Variants in BHLHE22 observed in about 807,000 individuals in gnomAD.
BHLHE22 encodes the protein basic helix-loop-helix family member e22.
In BHLHE22, 8 loss-of-function variants were observed where a neutral mutation model predicts 17.6. The observed-to-expected ratio is 0.45, with a 90% confidence interval of 0.27 to 0.82. BHLHE22 has a LOEUF of 0.82. Ranked by LOEUF, BHLHE22 falls within the 40% of genes least tolerant of loss-of-function variation. The probability of loss-of-function intolerance (pLI) is 0.16; values close to 1 mark genes in which losing one functional copy is unlikely to be tolerated. For missense variants in BHLHE22, 570 were observed against 581.5 expected (o/e 0.98, Z 0.20); for synonymous variants, 353 against 282.7 (o/e 1.25, Z -2.49).
rs1804922047 is a variant in BHLHE22 at position 64,582,622 on chromosome 8, AACTG to A, written c.*691_*694del. ...AGTTTTGGCGAGAGTGATATAAAAA[AACTG>A]ACTGTGGCTGAAAGAATTGCATTTA... On this transcript the variant is annotated 3_prime_UTR_variant, in exon 1 of 1. Coordinates refer to ENST00000321870, the MANE Select transcript of BHLHE22 (RefSeq NM_152414.5). 6.0e-6 allele frequency: 1 copy of A among 167,158 alleles called. No individual in the cohort carries two copies. The highest frequency in any genetic ancestry group is 1.5e-5 in the Non-Finnish European group (1 of 68,156). 10.4% of individuals were successfully genotyped at this position (167,158 alleles called of 1,614,324 possible).
chr8:64,582,783 A>C lies in BHLHE22; in HGVS notation c.*847A>C, dbSNP rs943945524. The C allele has an allele frequency of 1.8e-5, 3 of 166,986 alleles. No homozygotes were observed. The highest frequency in any genetic ancestry group is 7.2e-5 in the African/African-American group (3 of 41,416). The allele number at this position is 166,986 out of a possible 1,614,324, so 10.3% of individuals were successfully genotyped here. ...ATCATGTGTTAAAGTCATGGGTCTT[A>C]TGTGCAGATTTTTTTAATGCCTCTA... On this transcript the variant is annotated 3_prime_UTR_variant, in exon 1 of 1. Transcript: ENST00000321870.
Position 64,581,598 on chromosome 8 carries a change from C to G in BHLHE22, c.808C>G (p.Pro270Ala), listed in dbSNP as rs1327169750. Residue 270 changes from proline (P) to alanine (A), a missense_variant, in exon 1 of 1, where the codon CCC becomes GCC. Pro to Ala is a conservative substitution (Grantham distance 27). Coordinates refer to ENST00000321870, the MANE Select transcript of BHLHE22 (RefSeq NM_152414.5). The surrounding 1 kb of genome is among the most constrained non-coding windows in gnomAD (Gnocchi z 6.4). ...DALDELRAVI[P>A]YAHSPSVRKL... ...GCTGGACGAGCTGCGCGCGGTGATC[C>G]CCTACGCGCACAGCCCCTCGGTGCG... 1 of 1,612,890 alleles carries G rather than the reference C, an allele frequency of 6.2e-7. No individual in the cohort carries two copies. Among genetic ancestry groups the G allele is most frequent in the South Asian group, 1.1e-5 (1 of 91,048 alleles).
At position 64,581,718 on chromosome 8, in the gene BHLHE22, C is replaced by T. The variant is rs757685270; in HGVS notation, c.928C>T (p.Leu310Phe). ...LEEMRRLVAY[L>F]NQGQAISAAS... The stretch of plus-strand genomic sequence containing the variant: ...GGAGATGCGGCGCCTAGTCGCCTAC[C>T]TCAACCAGGGCCAGGCCATCTCGGC... Residue 310 changes from leucine to phenylalanine, a missense_variant, in exon 1 of 1, where the codon CTC becomes TTC. Physicochemically the swap from Leu to Phe is conservative, Grantham distance 22. This residue lies in a region of BHLHE22 where 111 missense variants were observed against 122.0 expected (regional missense o/e 0.91). Transcript: ENST00000321870. The surrounding 1 kb of genome is among the most constrained non-coding windows in gnomAD (Gnocchi z 6.4). 1.9e-6 allele frequency: 3 copies of T among 1,606,192 alleles called. 1 individual carries two copies. Among genetic ancestry groups the T allele is most frequent in the South Asian group, 2.2e-5 (2 of 90,226 alleles).
rs865782982 is a variant in BHLHE22 at position 64,582,091 on chromosome 8, G to C, written c.*155G>C. The C allele has an allele frequency of 2.2e-6, 2 of 916,474 alleles. No homozygotes were observed. Among genetic ancestry groups the C allele is most frequent in the Non-Finnish European group, 3.3e-6 (2 of 610,602 alleles). 56.8% of individuals were successfully genotyped at this position (916,474 alleles called of 1,614,324 possible). ...CTGAGGAGAAGTATCAGAGACAAACGGGACTTTTAGCCTTGACATCCCCAG... is the reference window on the plus strand; with the variant it reads ...CTGAGGAGAAGTATCAGAGACAAACCGGACTTTTAGCCTTGACATCCCCAG... On this transcript the variant is annotated 3_prime_UTR_variant, in exon 1 of 1. Transcript: ENST00000321870.
Position 64,581,454 on chromosome 8 carries a change from G to GGCAGCGGCGGCA in BHLHE22, c.670_681dup (p.Gly224_Ser227dup). ...TGGCGGCGGTGGCGGTAGCGGTAGC[G>GGCAGCGGCGGCA]GCAGCGGCGGCAGCAGCAGCAGCAG... is the stretch of plus-strand genomic sequence containing the variant. On this transcript the variant is annotated inframe_insertion, in exon 1 of 1. Transcript: ENST00000321870. The surrounding 1 kb of genome is among the most constrained non-coding windows in gnomAD (Gnocchi z 6.4). The GGCAGCGGCGGCA allele has an allele frequency of 6.5e-7, 1 of 1,537,990 alleles. No homozygotes were observed. The highest frequency in any genetic ancestry group is 1.7e-4 in the Middle Eastern group (1 of 5,812).
At position 64,581,942 on chromosome 8, in the gene BHLHE22, C is replaced by A; in HGVS notation, c.*6C>A. The A allele has an allele frequency of 1.2e-6, 2 of 1,610,984 alleles. No homozygotes were observed. The highest frequency in any genetic ancestry group is 1.7e-6 in the Non-Finnish European group (2 of 1,179,430). ...AGTGCACGGAGAAGCCTTAAACACA[C>A]CCCCGAAAAACACAAGACCGACCCA... On this transcript the variant is annotated 3_prime_UTR_variant, in exon 1 of 1. Coordinates refer to ENST00000321870, the MANE Select transcript of BHLHE22 (RefSeq NM_152414.5). This position sits in a 1 kb window ranked among gnomAD's most constrained non-coding sequence, Gnocchi z 6.4.
chr8:64,581,267 G>T lies in BHLHE22; in HGVS notation c.477G>T (p.Val159=), dbSNP rs765985655. 6.9e-7 allele frequency: 1 copy of T among 1,445,836 alleles called. No homozygotes were observed. Among genetic ancestry groups the T allele is most frequent in the East Asian group, 2.8e-5 (1 of 35,646 alleles). The allele number at this position is 1,445,836 out of a possible 1,614,324, so 89.6% of individuals were successfully genotyped here. A position where few individuals can be genotyped will look rare whatever the true frequency, so the allele number is the denominator to read the frequency against. The change falls in exon 1 of 1, where the codon GTG becomes GTT. Residue 159 remains valine, a synonymous_variant. Coordinates refer to ENST00000321870, the MANE Select transcript of BHLHE22 (RefSeq NM_152414.5). The surrounding 1 kb of genome is among the most constrained non-coding windows in gnomAD (Gnocchi z 6.4). ...ACAGCGACGGTCGCTGCGAGCTCGT[G>T]CTGCGGGCCGGAGTAGCCGACCCGC... is the stretch of plus-strand genomic sequence containing the variant. ...DDDSDGRCEL[V]LRAGVADPRA...
rs1243506469 is a variant in BHLHE22 at position 64,582,132 on chromosome 8, G to A, written c.*196G>A. 1.5e-6 allele frequency: 1 copy of A among 657,396 alleles called. No individual in the cohort carries two copies. The highest frequency in any genetic ancestry group is 2.6e-6 in the Non-Finnish European group (1 of 388,964). 40.7% of individuals were successfully genotyped at this position (657,396 alleles called of 1,614,324 possible). On this transcript the variant is annotated 3_prime_UTR_variant, in exon 1 of 1. Transcript: ENST00000321870. ...ACATCCCCAGAATCTCGGTCTTTGG[G>A]GTGGGGAGGGAGGGAGGAGGGAGGT...
In BHLHE22 at chr8:64,581,744, T is replaced by A; in HGVS notation, c.954T>A (p.Ala318=). 1 of 1,600,878 alleles carries A rather than the reference T, an allele frequency of 6.2e-7. No homozygotes were observed. Among genetic ancestry groups the A allele is most frequent in the Non-Finnish European group, 8.5e-7 (1 of 1,175,506 alleles). Residue 318 remains alanine (A), a synonymous_variant, in exon 1 of 1, where the codon GCT becomes GCA. Transcript: ENST00000321870. This position sits in a 1 kb window ranked among gnomAD's most constrained non-coding sequence, Gnocchi z 6.4. ...TCAACCAGGGCCAGGCCATCTCGGC[T>A]GCCTCCCTGCCCAGCTCGGCGGCTG... ...AYLNQGQAIS[A]ASLPSSAAAA...
rs953970502 is a variant in BHLHE22, at chr8:64,582,436, T to C, written c.*500T>C. 5.3e-5 allele frequency: 9 copies of C among 168,894 alleles called. No homozygotes were observed. Among genetic ancestry groups the C allele is most frequent in the African/African-American group, 1.9e-4 (8 of 41,338 alleles). 10.5% of individuals were successfully genotyped at this position (168,894 alleles called of 1,614,324 possible). A position where few individuals can be genotyped will look rare whatever the true frequency, so the allele number is the denominator to read the frequency against. ...ACAAATCAGAAAGGGCACTTGAAAA[T>C]AAATTTTGATTCTGAGCCAGGAGAA... On this transcript the variant is annotated 3_prime_UTR_variant, in exon 1 of 1. Transcript: ENST00000321870.
chr8:64,581,526 A>T lies in BHLHE22; in HGVS notation c.736A>T (p.Asn246Tyr). 6.2e-7 allele frequency: 1 copy of T among 1,606,968 alleles called. No homozygotes were observed. The highest frequency in any genetic ancestry group is 8.5e-7 in the Non-Finnish European group (1 of 1,179,012). ...CAAAGAGCAAAAGGCGCTGCGGCTT[A>T]ACATCAATGCCCGAGAGCGCCGGCG... is the stretch of plus-strand genomic sequence containing the variant. The part of the protein sequence containing the change: ...KSKEQKALRL[N>Y]INARERRRMH... The change falls in exon 1 of 1, where the codon AAC becomes TAC. Residue 246 changes from asparagine (N) to tyrosine (Y), a missense_variant. Physicochemically the swap from Asn to Tyr is moderately radical, Grantham distance 143 (BLOSUM62 -2). Coordinates refer to ENST00000321870, the MANE Select transcript of BHLHE22 (RefSeq NM_152414.5). The surrounding 1 kb of genome is among the most constrained non-coding windows in gnomAD (Gnocchi z 6.4).
rs749770325 is a variant in BHLHE22 at position 64,581,630 on chromosome 8, C to T, written c.840C>T (p.Leu280=). The T allele has an allele frequency of 1.9e-6, 3 of 1,613,350 alleles. No homozygotes were observed. The highest frequency in any genetic ancestry group is 4.5e-5 in the East Asian group (2 of 44,866). Residue 280 remains leucine (L), a synonymous_variant, in exon 1 of 1, where the codon CTC becomes CTT. Transcript: ENST00000321870. The surrounding 1 kb of genome is among the most constrained non-coding windows in gnomAD (Gnocchi z 6.4). ...PYAHSPSVRK[L]SKIATLLLAK... is the part of the protein sequence containing the mutation. ...CGCACAGCCCCTCGGTGCGAAAGCT[C>T]TCCAAGATCGCCACGCTGCTGCTCG...
At position 64,581,473 on chromosome 8, in the gene BHLHE22, G is replaced by C. The variant is rs1244489055; in HGVS notation, c.683G>C (p.Ser228Thr). Reference protein sequence around the residue: ...GSGSGSGGSSSSSSSSSKKSK... With the variant: ...GSGSGSGGSSTSSSSSSKKSK... ...GGTAGCGGCAGCGGCGGCAGCAGCA[G>C]CAGCAGCAGCAGCAGCAGCAAGAAA... is the stretch of plus-strand genomic sequence containing the variant. Residue 228 changes from serine to threonine, a missense_variant, in exon 1 of 1, where the codon AGC (serine) becomes ACC (threonine). This residue lies in a region of BHLHE22 where 427 missense variants were observed against 376.2 expected (regional missense o/e 1.14). Transcript: ENST00000321870. The surrounding 1 kb of genome is among the most constrained non-coding windows in gnomAD (Gnocchi z 6.4). The C allele has an allele frequency of 9.7e-6, 15 of 1,548,450 alleles. No homozygotes were observed. Among genetic ancestry groups the C allele is most frequent in the Admixed American group, 1.9e-5 (1 of 52,246 alleles).
At position 64,582,778 on chromosome 8, in the gene BHLHE22, G is replaced by A. The variant is rs1804924292; in HGVS notation, c.*842G>A. 6.0e-6 allele frequency: 1 copy of A among 166,884 alleles called. No individual in the cohort carries two copies. The highest frequency in any genetic ancestry group is 1.5e-5 in the Non-Finnish European group (1 of 68,080). The allele number at this position is 166,884 out of a possible 1,614,324, so 10.3% of individuals were successfully genotyped here. A position where few individuals can be genotyped will look rare whatever the true frequency, so the allele number is the denominator to read the frequency against. ...TATTTATCATGTGTTAAAGTCATGGGTCTTATGTGCAGATTTTTTTAATGC... is the reference window on the plus strand; with the variant it reads ...TATTTATCATGTGTTAAAGTCATGGATCTTATGTGCAGATTTTTTTAATGC... On this transcript the variant is annotated 3_prime_UTR_variant, in exon 1 of 1. Transcript: ENST00000321870.
chr8:64,582,042 G>A lies in BHLHE22; in HGVS notation c.*106G>A. 7.4e-7 allele frequency: 1 copy of A among 1,359,518 alleles called. No individual in the cohort carries two copies. The highest frequency in any genetic ancestry group is 1.0e-6 in the Non-Finnish European group (1 of 996,230). 84.2% of individuals were successfully genotyped at this position (1,359,518 alleles called of 1,614,324 possible). A position where few individuals can be genotyped will look rare whatever the true frequency, so the allele number is the denominator to read the frequency against. On this transcript the variant is annotated 3_prime_UTR_variant, in exon 1 of 1. Coordinates refer to ENST00000321870, the MANE Select transcript of BHLHE22 (RefSeq NM_152414.5). ...CTCTCGTAGTTGTGAAACACTTGCA[G>A]AGCAAACAAAGCAGAGGCAAGAACT...
In BHLHE22 at chr8:64,582,123, G is replaced by A; in HGVS notation, c.*187G>A. On this transcript the variant is annotated 3_prime_UTR_variant, in exon 1 of 1. Transcript: ENST00000321870. ...TTAGCCTTGACATCCCCAGAATCTC[G>A]GTCTTTGGGGTGGGGAGGGAGGGAG... The A allele has an allele frequency of 7.6e-6, 5 of 660,674 alleles. No homozygotes were observed. The highest frequency in any genetic ancestry group is 1.3e-5 in the Non-Finnish European group (5 of 390,754). The allele number at this position is 660,674 out of a possible 1,614,324, so 40.9% of individuals were successfully genotyped here. A position where few individuals can be genotyped will look rare whatever the true frequency, so the allele number is the denominator to read the frequency against.
chr8:64,582,502 C>CAG lies in BHLHE22; in HGVS notation c.*581_*582dup, dbSNP rs112809206. The CAG allele has an allele frequency of 0.057, 9,433 of 164,702 alleles. 305 individuals carry two copies. The highest frequency in any genetic ancestry group is 0.15 in the South Asian group (724 of 4,740). The allele number at this position is 164,702 out of a possible 1,614,324, so 10.2% of individuals were successfully genotyped here. On this transcript the variant is annotated 3_prime_UTR_variant, in exon 1 of 1. Coordinates refer to ENST00000321870, the MANE Select transcript of BHLHE22 (RefSeq NM_152414.5). ...ACTTAAGTGAGGGGGAAATAAAACC[C>CAG]AGAGAGAGAGAGAGAGCGAGAGAGA...
Position 64,582,108 on chromosome 8 carries a change from C to A in BHLHE22, c.*172C>A. 5.2e-6 allele frequency: 3 copies of A among 572,044 alleles called. No homozygotes were observed. The highest frequency in any genetic ancestry group is 8.8e-6 in the Non-Finnish European group (3 of 339,820). 35.4% of individuals were successfully genotyped at this position (572,044 alleles called of 1,614,324 possible). On this transcript the variant is annotated 3_prime_UTR_variant, in exon 1 of 1. Coordinates refer to ENST00000321870, the MANE Select transcript of BHLHE22 (RefSeq NM_152414.5). Reference sequence around the variant, plus strand: ...AGACAAACGGGACTTTTAGCCTTGACATCCCCAGAATCTCGGTCTTTGGGG... The same window carrying A: ...AGACAAACGGGACTTTTAGCCTTGAAATCCCCAGAATCTCGGTCTTTGGGG...
In BHLHE22 at chr8:64,580,982, C is replaced by T; in HGVS notation, c.192C>T (p.Cys64=). 1 of 1,366,874 alleles carries T rather than the reference C, an allele frequency of 7.3e-7. No individual in the cohort carries two copies. Among genetic ancestry groups the T allele is most frequent in the Non-Finnish European group, 9.4e-7 (1 of 1,066,134 alleles). 84.7% of individuals were successfully genotyped at this position (1,366,874 alleles called of 1,614,324 possible). A position where few individuals can be genotyped will look rare whatever the true frequency, so the allele number is the denominator to read the frequency against. ...PASSSSSPLG[C]FEPADPEGAG... is the part of the protein sequence containing the mutation. ...CCTCCTCCTCGTCGCCCCTGGGCTGCTTCGAGCCGGCTGACCCCGAGGGGG... is the reference window on the plus strand; with the variant it reads ...CCTCCTCCTCGTCGCCCCTGGGCTGTTTCGAGCCGGCTGACCCCGAGGGGG... The change falls in exon 1 of 1, where the codon TGC becomes TGT. Residue 64 remains cysteine, a synonymous_variant. Coordinates refer to ENST00000321870, the MANE Select transcript of BHLHE22 (RefSeq NM_152414.5).
Sources: gnomAD v4.1 joint callset for allele counts on GRCh38, gnomAD v4.1.1 for gene constraint, gnomAD v4.1.1 regional missense constraint, Gnocchi (gnomAD v3.1) non-coding constraint, MANE v1.5 for transcripts, NCBI Gene and HGNC (gene_info 2026-07-23, HGNC 2026-07-21) for gene names.